MGAT5: variants seen among roughly 807,000 people sequenced by gnomAD.
MGAT5 encodes the protein alpha-1,6-mannosylglycoprotein 6-beta-N-acetylglucosaminyltransferase A.
Under a neutral mutation model 94.3 loss-of-function variants are expected in MGAT5, and 30 were observed. That is an observed-to-expected ratio of 0.32 (90% CI 0.24 to 0.43). MGAT5 has a LOEUF of 0.43. Ranked by LOEUF, MGAT5 falls within the 20% of genes least tolerant of loss-of-function variation. The pLI, the probability that MGAT5 is intolerant of heterozygous loss-of-function variation, is 1.00. For synonymous variants in MGAT5, 310 were observed against 322.9 expected (o/e 0.96, Z 0.43); for missense variants, 691 against 905.5 (o/e 0.76, Z 3.04).
At chr2:134,348,122 A>G (rs1486995018) in intron 8 of MGAT5, among the ~76,000 whole-genome samples, 1 of 152,202 alleles carries the variant, frequency 6.6e-6, no homozygotes, top group Admixed American at 6.5e-5. Flanking sequence ...ACGGAAAAAT[A>G]TAAGTTAAGA....
At chr2:134,353,735 C>A (rs1351184704) in intron 9 of MGAT5, among the ~76,000 whole-genome samples, 1 of 152,148 alleles carries the variant, frequency 6.6e-6, no homozygotes, top group African/African-American at 2.4e-5. Flanking sequence ...CAGTCATCAT[C>A]AGTGGTCGCT....
chr2:134,399,847 A>T (rs1682935456), intron 10 of MGAT5, among the ~76,000 whole-genome samples: 1 of 152,018 alleles, frequency 6.6e-6, no homozygotes, highest in Admixed American at 6.6e-5. Flanking sequence ...GGGAAGGGGG[A>T]GTGTATGCTG....
At chr2:134,369,465 G>T (rs1471939746) in intron 10 of MGAT5, among the ~76,000 whole-genome samples, 1 of 152,170 alleles carries the variant, frequency 6.6e-6, no homozygotes, top group Non-Finnish European at 1.5e-5. Context: ...GGCCACTCCA[G>T]CCTCAGTTTC....
chr2:134,144,809 C>T (rs1459093910), intron 1 of MGAT5, among the ~76,000 whole-genome samples: 2 of 152,064 alleles, frequency 1.3e-5, no homozygotes, highest in South Asian at 2.1e-4. Context: ...CTGGCTTGGA[C>T]GGCTGCTGGG....
Position 134,268,254 on chromosome 2 carries a change from C to G in MGAT5, c.242-2132C>G, listed in dbSNP as rs1242776467. Among the ~76,000 whole-genome samples, 1 of 152,206 alleles carries G rather than the reference C, an allele frequency of 6.6e-6. No individual in the cohort carries two copies. Among genetic ancestry groups the G allele is most frequent in the Non-Finnish European group, 1.5e-5 (1 of 68,042 alleles). Reference sequence around the variant, plus strand: ...TACAATTACCGGTGATAGTTAAATGCTATTCTAGATTGTATTCGGATTCTA... The same window carrying G: ...TACAATTACCGGTGATAGTTAAATGGTATTCTAGATTGTATTCGGATTCTA... On this transcript the variant is annotated intron_variant, in intron 1 of 15. Transcript: ENST00000281923. The surrounding 1 kb of genome is among the most constrained non-coding windows in gnomAD (Gnocchi z 4.1).
intron 10 of MGAT5, among the ~76,000 whole-genome samples, chr2:134,382,348 A>G (rs1681686254): frequency 2.0e-5 from 3 of 152,186 alleles, no homozygotes; most frequent in Admixed American, 1.3e-4. Flanking sequence ...TGATTATAAT[A>G]TGCAACAAAG....
At chr2:134,185,556 A>G (rs1688965971) in intron 1 of MGAT5, among the ~76,000 whole-genome samples, 1 of 152,176 alleles carries the variant, frequency 6.6e-6, no homozygotes, top group African/African-American at 2.4e-5. Context: ...AGGGCCCTGT[A>G]TGTTGCATAT....
At chr2:134,242,446 A>G (rs1682023389) in intron 1 of MGAT5, among the ~76,000 whole-genome samples, 1 of 152,188 alleles carries the variant, frequency 6.6e-6, no homozygotes, top group Non-Finnish European at 1.5e-5. Flanking sequence ...CAGCTTATTC[A>G]AAAGTAATAT....
chr2:134,239,502 T>G (rs1048727306), intron 1 of MGAT5, among the ~76,000 whole-genome samples: 3 of 152,158 alleles, frequency 2.0e-5, no homozygotes, highest in Admixed American at 1.3e-4. Context: ...AATCACTTAA[T>G]AGTCTGAGCT....
At chr2:134,436,657 C>A (rs1181896403) in intron 14 of MGAT5, among the ~76,000 whole-genome samples, 5 of 152,190 alleles carry the variant, frequency 3.3e-5, no homozygotes, top group Non-Finnish European at 5.9e-5. Context: ...TCTAGGGCTG[C>A]CCCAGATTCT....
intron 1 of MGAT5, among the ~76,000 whole-genome samples, chr2:134,242,778 A>G (rs113922915): frequency 3.3e-5 from 5 of 152,320 alleles, no homozygotes; most frequent in African/African-American, 1.2e-4. Context: ...CTTTTGGGCT[A>G]GCCTCAAATC....
chr2:134,331,231 A>C (rs1687950910), intron 4 of MGAT5, among the ~76,000 whole-genome samples: 3 of 152,186 alleles, frequency 2.0e-5, no homozygotes, highest in Admixed American at 6.5e-5. Flanking sequence ...TGTCAAAAAA[A>C]CAAATTGTTG....
intron 1 of MGAT5, among the ~76,000 whole-genome samples, chr2:134,189,620 T>TTTTTTTTTTTTTTTTTTTA: frequency 1.4e-5 from 2 of 138,282 alleles, no homozygotes; most frequent in Non-Finnish European, 3.1e-5. Context: ...TTTTTTTTTT[T>TTTTTTTTTTTTTTTTTTTA]AAGACAGAGT....
intron 1 of MGAT5, among the ~76,000 whole-genome samples, chr2:134,134,649 T>C (rs772411135): frequency 2.0e-5 from 3 of 152,180 alleles, no homozygotes; most frequent in African/African-American, 4.8e-5. Context: ...GAGAGGACTC[T>C]GGTCTAGTCC....
At chr2:134,404,764 A>C (rs1182947009) in intron 11 of MGAT5, among the ~76,000 whole-genome samples, 2 of 152,112 alleles carry the variant, frequency 1.3e-5, no homozygotes, top group African/African-American at 4.8e-5. Flanking sequence ...TTGTTTTAAG[A>C]TTTTATTTCC....
At chr2:134,377,536 A>G (rs530516914) in intron 10 of MGAT5, among the ~76,000 whole-genome samples, 14 of 152,346 alleles carry the variant, frequency 9.2e-5, no homozygotes, top group Admixed American at 2.0e-4. Context: ...TCAAGAGTAC[A>G]TGATTCTAGT....
intron 1 of MGAT5, among the ~76,000 whole-genome samples, chr2:134,198,395 A>C (rs951235219): frequency 6.6e-6 from 1 of 152,122 alleles, no homozygotes; most frequent in African/African-American, 2.4e-5. Flanking sequence ...CAGAATTACC[A>C]AGCAAGGAGC....
chr2:134,193,826 T>A (rs1470408499), intron 1 of MGAT5, among the ~76,000 whole-genome samples: 2 of 152,024 alleles, frequency 1.3e-5, no homozygotes, highest in African/African-American at 4.8e-5. Flanking sequence ...CATTTTTGGA[T>A]CCCATTTTCC....
chr2:134,357,498 C>G (rs1376915070), intron 9 of MGAT5, among the ~76,000 whole-genome samples: 1 of 152,216 alleles, frequency 6.6e-6, no homozygotes. Context: ...AGCCTGTTGG[C>G]TGTAGCAAAG....
Sources: allele counts gnomAD v4.1 joint callset (sites outside exome capture counted in the v4.1 genomes callset), GRCh38; gene constraint gnomAD v4.1.1; non-coding constraint Gnocchi (gnomAD v3.1); transcripts MANE v1.5; gene names NCBI Gene and HGNC (gene_info 2026-07-23, HGNC 2026-07-21).